EPHA6: variants seen among roughly 807,000 people sequenced by gnomAD.
EPHA6 encodes the protein ephrin type-A receptor 6.
In EPHA6, 50 loss-of-function variants were observed where a neutral mutation model predicts 112.0. The observed-to-expected ratio is 0.45, with a 90% CI of 0.36 to 0.56. EPHA6 has a LOEUF of 0.56. Among genes scored for constraint, EPHA6 ranks in the 20% least tolerant of loss-of-function variants. The pLI, the probability that EPHA6 is intolerant of heterozygous loss-of-function variation, is 0.00. For synonymous variants in EPHA6, 529 were observed against 490.7 expected, an observed-to-expected ratio of 1.08 and a Z score of -1.03; for missense variants, 1,280 against 1,417.4, an observed-to-expected ratio of 0.90 and a Z score of 1.56.
intron 2 of EPHA6, among the ~76,000 whole-genome samples, chr3:96,935,464 G>A (rs1432564101): frequency 6.7e-6 from 1 of 149,944 alleles, no homozygotes; most frequent in Admixed American, 6.7e-5. Context: ...ACTATTATAG[G>A]TATTCTACAT....
chr3:97,746,464 C>A (rs901545782), intron 16 of EPHA6, among the ~76,000 whole-genome samples: 1 of 151,590 alleles, frequency 6.6e-6, no homozygotes, highest in East Asian at 1.9e-4. Context: ...GAAACTAATA[C>A]AATTTATTGT....
intron 2 of EPHA6, among the ~76,000 whole-genome samples, chr3:96,942,523 C>A (rs963426127): frequency 6.6e-6 from 1 of 152,208 alleles, no homozygotes; most frequent in Non-Finnish European, 1.5e-5. Context: ...TCACCCCTTT[C>A]TTTGACTAGG....
At chr3:97,212,527 A>G (rs1024109651) in intron 3 of EPHA6, among the ~76,000 whole-genome samples, 2 of 152,182 alleles carry the variant, frequency 1.3e-5, no homozygotes, top group Admixed American at 1.3e-4. Flanking sequence ...CTTCCAGAAC[A>G]GAAATGCTTA....
intron 10 of EPHA6, among the ~76,000 whole-genome samples, chr3:97,490,120 G>A (rs1197670644): frequency 6.6e-6 from 1 of 151,976 alleles, no homozygotes; most frequent in Non-Finnish European, 1.5e-5. Flanking sequence ...AAAAAATAAT[G>A]AGTAAATAAA....
At chr3:96,822,197 C>T (rs1011522241) in intron 1 of EPHA6, among the ~76,000 whole-genome samples, 4 of 151,932 alleles carry the variant, frequency 2.6e-5, no homozygotes, top group African/African-American at 7.2e-5. Context: ...CATTTAATGA[C>T]ATCGTGGATG....
intron 3 of EPHA6, among the ~76,000 whole-genome samples, chr3:97,139,189 C>T (rs1038057238): frequency 6.6e-6 from 1 of 152,130 alleles, no homozygotes; most frequent in Admixed American, 6.5e-5. Flanking sequence ...AGCACCAGGG[C>T]CCTGCCCATT....
chr3:97,130,649 CAGTTAG>C (rs2048313093), intron 3 of EPHA6, among the ~76,000 whole-genome samples: 1 of 151,994 alleles, frequency 6.6e-6, no homozygotes, highest in Non-Finnish European at 1.5e-5. Context: ...TACATCTTTC[CAGTTAG>C]ACAAGTTATT....
intron 3 of EPHA6, among the ~76,000 whole-genome samples, chr3:97,176,580 TG>T: frequency 6.6e-6 from 1 of 151,876 alleles, no homozygotes; most frequent in Non-Finnish European, 1.5e-5. Flanking sequence ...TACTTTTTAT[TG>T]GTTTATTGAG....
chr3:97,433,929 T>G (rs1211006056), intron 6 of EPHA6, among the ~76,000 whole-genome samples: 1 of 152,102 alleles, frequency 6.6e-6, no homozygotes, highest in Non-Finnish European at 1.5e-5. Flanking sequence ...TTTCTAATGG[T>G]GTTAATTCAG....
At chr3:97,511,900 T>C (rs1471890042) in intron 10 of EPHA6, among the ~76,000 whole-genome samples, 1 of 152,142 alleles carries the variant, frequency 6.6e-6, no homozygotes, top group Non-Finnish European at 1.5e-5. Context: ...TTGGATTGCT[T>C]CTTATAATTG....
chr3:97,350,841 A>G (rs1159971835), intron 5 of EPHA6, among the ~76,000 whole-genome samples: 1 of 152,100 alleles, frequency 6.6e-6, no homozygotes, highest in Non-Finnish European at 1.5e-5. Flanking sequence ...AAATATATAT[A>G]ATCTCTTTTT....
chr3:97,203,486 C>T (rs1489532592), intron 3 of EPHA6, among the ~76,000 whole-genome samples: 1 of 152,000 alleles, frequency 6.6e-6, no homozygotes, highest in East Asian at 1.9e-4. Context: ...CAATTTTTAA[C>T]AAAACCGTGT....
intron 5 of EPHA6, among the ~76,000 whole-genome samples, chr3:97,354,236 G>A (rs528321348): frequency 3.7e-4 from 56 of 152,076 alleles, no homozygotes; most frequent in African/African-American, 1.0e-3. Flanking sequence ...CCCAAACATC[G>A]ATGAACATCC....
Position 97,275,237 on chromosome 3 carries a change from C to T in EPHA6, c.1606+30950C>T, listed in dbSNP as rs187681258. On this transcript the variant is annotated intron_variant, in intron 5 of 17. Coordinates refer to ENST00000389672, the MANE Select transcript of EPHA6 (RefSeq NM_001080448.3). ...TGAGGTTTGGGAGATTAGTCAGACA[C>T]GATCAGCAGGGAGAGCACATGTGTT... 7.4e-4 allele frequency among the ~76,000 whole-genome samples: 112 copies of T among 152,192 alleles called. 1 individual carries two copies. Among genetic ancestry groups the T allele is most frequent in the African/African-American group, 2.6e-3 (108 of 41,534 alleles).
rs573854435 is a variant in EPHA6 at position 97,214,962 on chromosome 3, A to G, written c.1115-11302A>G. On this transcript the variant is annotated intron_variant, in intron 3 of 17. Coordinates refer to ENST00000389672, the MANE Select transcript of EPHA6 (RefSeq NM_001080448.3). Reference sequence around the variant, plus strand: ...TGATACTGTTTTTGCCAGTTTCTTAAAGTTCTTTCAAGAATGCTATTATTT... The same window carrying G: ...TGATACTGTTTTTGCCAGTTTCTTAGAGTTCTTTCAAGAATGCTATTATTT... Among the ~76,000 whole-genome samples, 36 of 152,316 alleles carry G rather than the reference A, an allele frequency of 2.4e-4. No individual in the cohort carries two copies. The South Asian group carries it at 4.1e-3, about 18-fold the overall frequency.
At chr3:97,332,350 G>C (rs996207228) in intron 5 of EPHA6, among the ~76,000 whole-genome samples, 8 of 151,910 alleles carry the variant, frequency 5.3e-5, no homozygotes, top group Non-Finnish European at 1.2e-4. Context: ...ACTGGCACAA[G>C]ACAGGGATGC....
chr3:97,296,356 G>A (rs1288618733), intron 5 of EPHA6, among the ~76,000 whole-genome samples: 1 of 152,152 alleles, frequency 6.6e-6, no homozygotes, highest in Admixed American at 6.5e-5. Context: ...CTGGGATGGG[G>A]GCAGTGCAAG....
chr3:96,850,345 G>A (rs2035309086), intron 1 of EPHA6, among the ~76,000 whole-genome samples: 1 of 152,056 alleles, frequency 6.6e-6, no homozygotes, highest in African/African-American at 2.4e-5. Flanking sequence ...TTAGCGCTTA[G>A]GGGTCGGAGG....
chr3:97,371,690 G>C (rs374098707), intron 5 of EPHA6, among the ~76,000 whole-genome samples: 2 of 152,144 alleles, frequency 1.3e-5, no homozygotes, highest in Non-Finnish European at 2.9e-5. Flanking sequence ...GGCTGCCTGT[G>C]GGCCAGGCGG....
Sources: gnomAD v4.1 joint callset for allele counts (sites outside exome capture counted in the v4.1 genomes callset) on GRCh38, gnomAD v4.1.1 for gene constraint, MANE v1.5 for transcripts, NCBI Gene and HGNC (gene_info 2026-07-23, HGNC 2026-07-21) for gene names.